Variants in PPARGC1A observed in about 807,000 individuals in gnomAD.
The protein encoded by PPARGC1A is peroxisome proliferator-activated receptor gamma coactivator 1-alpha.
In PPARGC1A, 25 loss-of-function variants were observed where a neutral mutation model predicts 88.7. The ratio of observed to expected loss-of-function variants is 0.28; its 90% CI spans 0.21 to 0.39. The LOEUF (loss-of-function observed/expected upper bound fraction) is 0.39, where lower values mean the gene tolerates loss of function less well. PPARGC1A is among the 10% of genes least tolerant of loss of function. PPARGC1A has a pLI of 1.00. For synonymous variants in PPARGC1A, 363 were observed against 355.6 expected (o/e 1.02, Z -0.24); for missense variants, 880 against 968.7 (o/e 0.91, Z 1.22).
chr4:24,197,849 G>T, the PPARGC1A span, among the ~76,000 whole-genome samples: 1 of 152,094 alleles, frequency 6.6e-6, no homozygotes, highest in Non-Finnish European at 1.5e-5. Context: ...TTAGCTGTAG[G>T]GTTTGGTTTT....
the PPARGC1A span, among the ~76,000 whole-genome samples, chr4:23,973,567 T>C: frequency 9.2e-5 from 14 of 152,266 alleles, no homozygotes; most frequent in African/African-American, 3.1e-4. Flanking sequence ...GCATTTATTC[T>C]ATGCATGATT....
chr4:24,337,566 TG>T, the PPARGC1A span, among the ~76,000 whole-genome samples: 1 of 151,766 alleles, frequency 6.6e-6, no homozygotes, highest in Non-Finnish European at 1.5e-5. Flanking sequence ...CGTGGGGAGA[TG>T]ATGTCTGACC....
At chr4:23,953,953 A>G in the PPARGC1A span, among the ~76,000 whole-genome samples, 1 of 152,060 alleles carries the variant, frequency 6.6e-6, no homozygotes. Flanking sequence ...ACTGTCTACT[A>G]GAAAATATTC....
the PPARGC1A span, among the ~76,000 whole-genome samples, chr4:23,961,579 G>A: frequency 2.6e-5 from 4 of 152,214 alleles, no homozygotes; most frequent in African/African-American, 7.2e-5. Context: ...AGAAGGACTC[G>A]CTATCTCCCA....
the PPARGC1A span, among the ~76,000 whole-genome samples, chr4:24,020,580 T>C: frequency 2.8e-4 from 43 of 152,156 alleles, 1 homozygote; most frequent in Admixed American, 6.5e-5. Context: ...AATTCAATGC[T>C]TGCAAGGAGA....
chr4:24,323,071 C>A, the PPARGC1A span, among the ~76,000 whole-genome samples: 1 of 152,096 alleles, frequency 6.6e-6, no homozygotes, highest in African/African-American at 2.4e-5. Context: ...CTGGGTGGCT[C>A]AACTGCTGGT....
the PPARGC1A span, among the ~76,000 whole-genome samples, chr4:24,299,763 C>T: frequency 1.5e-4 from 23 of 152,252 alleles, 1 homozygote; most frequent in Admixed American, 5.9e-4. Flanking sequence ...AAGCATGTCA[C>T]TCATCTATTT....
the PPARGC1A span, among the ~76,000 whole-genome samples, chr4:24,075,982 A>C: frequency 6.6e-6 from 1 of 152,276 alleles, no homozygotes; most frequent in South Asian, 2.1e-4. Flanking sequence ...GTTTCTCTGC[A>C]TATCTCCGTG....
intron 10 of PPARGC1A, among the ~76,000 whole-genome samples, chr4:23,807,688 T>C (rs186215748): frequency 6.6e-6 from 1 of 152,282 alleles, no homozygotes; most frequent in Admixed American, 6.5e-5. Context: ...CATGGTACTA[T>C]ATGTATCCAT....
intron 10 of PPARGC1A, among the ~76,000 whole-genome samples, chr4:23,805,907 A>G (rs927288790): frequency 2.6e-5 from 4 of 152,202 alleles, no homozygotes; most frequent in East Asian, 1.9e-4. Context: ...AAAATCGACC[A>G]TATGTATGCC....
the PPARGC1A span, among the ~76,000 whole-genome samples, chr4:24,131,350 C>T: frequency 1.3e-5 from 2 of 152,202 alleles, no homozygotes; most frequent in African/African-American, 4.8e-5. Flanking sequence ...ACCGTTACAA[C>T]TTTAATCAAT....
chr4:23,896,096 C>T (rs552400871), intron 1 of PPARGC1A, among the ~76,000 whole-genome samples: 23 of 151,532 alleles, frequency 1.5e-4, no homozygotes, highest in Admixed American at 3.9e-4. Context: ...TAAAATGAAG[C>T]TTGAAAAAAC....
the PPARGC1A span, among the ~76,000 whole-genome samples, chr4:24,113,093 C>T: frequency 2.0e-3 from 301 of 152,090 alleles, 2 homozygotes; most frequent in African/African-American, 6.8e-3. Flanking sequence ...TACACACTTT[C>T]TTTCTTTACT....
intron 2 of PPARGC1A, among the ~76,000 whole-genome samples, chr4:23,881,574 T>G (rs1036623062): frequency 6.6e-6 from 1 of 152,210 alleles, no homozygotes; most frequent in Non-Finnish European, 1.5e-5. Flanking sequence ...ACTCTGCCAC[T>G]CTATTATATA....
chr4:24,345,107 T>C, the PPARGC1A span, among the ~76,000 whole-genome samples: 1 of 152,082 alleles, frequency 6.6e-6, no homozygotes, highest in Admixed American at 6.6e-5. Flanking sequence ...CTGTTCCGTT[T>C]GTCTATGTGC....
At chr4:24,271,260 T>G in the PPARGC1A span, among the ~76,000 whole-genome samples, 1 of 152,220 alleles carries the variant, frequency 6.6e-6, no homozygotes, top group East Asian at 1.9e-4. Context: ...TGACTCCTGT[T>G]GTTCAAGTTC....
chr4:23,963,073 G>A, the PPARGC1A span, among the ~76,000 whole-genome samples: 1 of 152,114 alleles, frequency 6.6e-6, no homozygotes, highest in African/African-American at 2.4e-5. Flanking sequence ...TCCAATGGGG[G>A]CCATCTATCT....
At chr4:24,260,043 A>G in the PPARGC1A span, among the ~76,000 whole-genome samples, 1 of 151,534 alleles carries the variant, frequency 6.6e-6, no homozygotes, top group Non-Finnish European at 1.5e-5. Context: ...AGAGTAAAAT[A>G]AAGCTTAAGA....
the PPARGC1A span, among the ~76,000 whole-genome samples, chr4:24,090,741 A>G: frequency 6.6e-6 from 1 of 152,258 alleles, no homozygotes; most frequent in Non-Finnish European, 1.5e-5. Flanking sequence ...ATGCGTAAAA[A>G]TATGCATTAG....
Sources: gnomAD v4.1 joint callset for allele counts (sites outside exome capture counted in the v4.1 genomes callset) on GRCh38, gnomAD v4.1.1 for gene constraint, MANE v1.5 for transcripts, NCBI Gene and HGNC (gene_info 2026-07-23, HGNC 2026-07-21) for gene names.